The following OTOF variants were observed in gnomAD, a reference collection of about 807,000 sequenced individuals.
OTOF encodes the protein otoferlin.
A neutral mutation model predicts 236.8 loss-of-function variants in OTOF; 218 were observed. The ratio of observed to expected loss-of-function variants is 0.92; its 90% CI spans 0.82 to 1.03. The LOEUF (loss-of-function observed/expected upper bound fraction) is 1.03. OTOF is among the 50% of genes least tolerant of loss of function. The probability of loss-of-function intolerance (pLI) is 0.00; values close to 1 mark genes in which losing one functional copy is unlikely to be tolerated. For synonymous variants in OTOF, 1,041 were observed against 1,072.5 expected (o/e 0.97, Z 0.57); for missense variants, 2,590 against 2,694.4 (o/e 0.96, Z 0.86).
chr2:26,533,910 G>A (rs1667007317), intron 2 of OTOF, among the ~76,000 whole-genome samples: 1 of 152,016 alleles, frequency 6.6e-6, no homozygotes, highest in African/African-American at 2.4e-5. Context: ...GCAGAAAGGG[G>A]CAGATAAGGC....
rs1232283652 is a variant in OTOF, at chr2:26,461,371, T to C, written c.5533+325A>G. Among the ~76,000 whole-genome samples the C allele has an allele frequency of 6.6e-6, 1 of 152,222 alleles. No homozygotes were observed. Among genetic ancestry groups the C allele is most frequent in the Non-Finnish European group, 1.5e-5 (1 of 68,030 alleles). ...AGATTAGAGTTTTAGGGAGAATCCC[T>C]GCTTTACAGAGAAGCAACCTGAGGC... is the stretch of plus-strand genomic sequence containing the variant. On this transcript the variant is annotated intron_variant, in intron 43 of 46. Transcript: ENST00000272371. This position sits in a 1 kb window ranked among gnomAD's most constrained non-coding sequence, Gnocchi z 6.2.
At chr2:26,529,470 C>T (rs1666887887) in intron 2 of OTOF, among the ~76,000 whole-genome samples, 1 of 152,140 alleles carries the variant, frequency 6.6e-6, no homozygotes, top group African/African-American at 2.4e-5. Flanking sequence ...TGGGTAATGG[C>T]TTCTGTGCTC....
At chr2:26,546,048 C>A (rs1164174635) in intron 1 of OTOF, among the ~76,000 whole-genome samples, 1 of 152,112 alleles carries the variant, frequency 6.6e-6, no homozygotes, top group African/African-American at 2.4e-5. Context: ...TACTGTTAAC[C>A]AGAAGCCTTA....
At position 26,467,213 on chromosome 2, in the gene OTOF, C is replaced by A. The variant is rs1664774258; in HGVS notation, c.4248G>T (p.Glu1416Asp). 1 of 1,614,040 alleles carries A rather than the reference C, an allele frequency of 6.2e-7. No homozygotes were observed. Among genetic ancestry groups the A allele is most frequent in the Non-Finnish European group, 8.5e-7 (1 of 1,180,030 alleles). ...DELKVYPKEL[E>D]SEFDNFEDWL... ...AGTCCTCAAAGTTATCAAACTCGGA[C>A]TCCAGCTCTTTGGGGTATACCTGAG... Residue 1416 changes from glutamate to aspartate, a missense_variant, in exon 35 of 47, where the codon GAG becomes GAT. Glu to Asp is a conservative substitution (Grantham distance 45). Around this residue, in one of 2 missense-constraint regions of OTOF, gnomAD observed 1,211 missense variants for 1,352.8 expected, o/e 0.90. Coordinates refer to ENST00000272371, the MANE Select transcript of OTOF (RefSeq NM_194248.3).
chr2:26,529,025 T>A (rs1666877042), intron 2 of OTOF, among the ~76,000 whole-genome samples: 1 of 152,006 alleles, frequency 6.6e-6, no homozygotes, highest in African/African-American at 2.4e-5. Context: ...ATTGGCCAAG[T>A]GGGGTAGAGT....
intron 5 of OTOF, among the ~76,000 whole-genome samples, chr2:26,506,802 C>A (rs1666259887): frequency 6.6e-6 from 1 of 152,188 alleles, no homozygotes; most frequent in Non-Finnish European, 1.5e-5. Context: ...GAGTTCAAGA[C>A]CAGCCTGGTC....
chr2:26,488,484 G>A (rs1665753078), intron 11 of OTOF, among the ~76,000 whole-genome samples: 1 of 152,182 alleles, frequency 6.6e-6, no homozygotes, highest in South Asian at 2.1e-4. Context: ...CACCCCTTGG[G>A]GTTCCCTTGC....
rs529032575 is a variant in OTOF at position 26,476,221 on chromosome 2, A to G, written c.2773T>C (p.Phe925Leu). ...WLGLSKQRKE[F>L]LCGLPCGFQE... ...AAGCCACAGGGCAGGCCGCACAGGA[A>G]CTCCTTGCGCTGTTTGCTGAGGCCC... The change falls in exon 23 of 47, where the codon TTC becomes CTC. Residue 925 changes from phenylalanine (F) to leucine (L), a missense_variant. Phe to Leu is a conservative substitution (Grantham distance 22, BLOSUM62 0). This residue lies in a region of OTOF where 1,379 missense variants were observed against 1,341.6 expected (regional missense o/e 1.03). Transcript: ENST00000272371. 4.6e-5 allele frequency: 74 copies of G among 1,608,886 alleles called. 1 individual carries two copies. In the South Asian group the frequency reaches 7.9e-4, roughly 17 times the overall value.
chr2:26,480,541 G>A (rs1236337269), intron 15 of OTOF, among the ~76,000 whole-genome samples: 2 of 152,240 alleles, frequency 1.3e-5, no homozygotes, highest in Non-Finnish European at 2.9e-5. Context: ...GAGGGGCAGA[G>A]GGGAGGCACC....
chr2:26,459,950 GT>G, intron 46 of OTOF, 57 bp downstream of exon 46: 1 of 1,480,896 alleles, frequency 6.8e-7, no homozygotes, highest in Admixed American at 2.0e-5. Flanking sequence ...GTATATGTGT[GT>G]GTGTGCACGC....
chr2:26,462,273 T>C lies in OTOF; in HGVS notation c.5193-92A>G. On this transcript the variant is annotated intron_variant, in intron 41 of 46. Transcript: ENST00000272371. The surrounding 1 kb of genome is among the most constrained non-coding windows in gnomAD (Gnocchi z 4.7). Reference sequence around the variant, plus strand: ...GGATGGGGCAGGCGGAGAGAAGCCCTGGGGTCTTGGGGTCAGCACAGGGCC... The same window carrying C: ...GGATGGGGCAGGCGGAGAGAAGCCCCGGGGTCTTGGGGTCAGCACAGGGCC... The C allele has an allele frequency of 9.4e-7, 1 of 1,065,610 alleles. No homozygotes were observed. The highest frequency in any genetic ancestry group is 1.5e-6 in the Non-Finnish European group (1 of 686,668). 66.0% of individuals were successfully genotyped at this position (1,065,610 alleles called of 1,614,324 possible).
chr2:26,503,659 C>G, intron 6 of OTOF, 113 bp downstream of exon 6: 1 of 906,662 alleles, frequency 1.1e-6, no homozygotes, highest in Non-Finnish European at 1.8e-6. Context: ...TGGGGCCTGG[C>G]CCTGGGACGA....
At position 26,466,159 on chromosome 2, in the gene OTOF, T is replaced by C. The variant is rs115448938; in HGVS notation, c.4501-83A>G. On this transcript the variant is annotated intron_variant, in intron 36 of 46. Transcript: ENST00000272371. The stretch of plus-strand genomic sequence containing the variant: ...CCCCTGCCAGGCTGCCTGAGGGTCC[T>C]ATGACAGTGAAGGGCAGGGGCAGGA... 9.6e-4 allele frequency: 1,502 copies of C among 1,568,652 alleles called. 12 individuals carry two copies. Among genetic ancestry groups the C allele is most frequent in the African/African-American group, 9.2e-3 (679 of 74,192 alleles).
At chr2:26,533,134 C>A (rs1666989238) in intron 2 of OTOF, among the ~76,000 whole-genome samples, 1 of 152,158 alleles carries the variant, frequency 6.6e-6, no homozygotes, top group African/African-American at 2.4e-5. Flanking sequence ...GGAGTGTGAA[C>A]CCTACTGTGA....
At chr2:26,536,716 G>T (rs1174466679) in intron 2 of OTOF, among the ~76,000 whole-genome samples, 1 of 152,168 alleles carries the variant, frequency 6.6e-6, no homozygotes, top group Non-Finnish European at 1.5e-5. Flanking sequence ...CCAAGCGGGA[G>T]AGCCAACCCC....
At chr2:26,472,115 A>G (rs1451414542) in intron 30 of OTOF, among the ~76,000 whole-genome samples, 1 of 151,674 alleles carries the variant, frequency 6.6e-6, no homozygotes, top group Admixed American at 6.6e-5. Context: ...GCACATGTGC[A>G]CACCACACGC....
rs1299292950 is a variant in OTOF, at chr2:26,510,342, G to GC, written c.509+6075dup. 2.0e-5 allele frequency among the ~76,000 whole-genome samples: 3 copies of GC among 152,092 alleles called. No homozygotes were observed. In the East Asian group the frequency reaches 5.8e-4, roughly 29 times the overall value. On this transcript the variant is annotated intron_variant, in intron 5 of 46. Transcript: ENST00000272371. ...GGAGAGGGATCCCTGAGGTCCTCATGCCCCTCTCCCCTTAGCCTTTAGCTG... is the reference window on the plus strand; with the variant it reads ...GGAGAGGGATCCCTGAGGTCCTCATGCCCCCTCTCCCCTTAGCCTTTAGCTG...
At chr2:26,540,794 A>G (rs1667194560) in intron 1 of OTOF, among the ~76,000 whole-genome samples, 1 of 152,216 alleles carries the variant, frequency 6.6e-6, no homozygotes, top group African/African-American at 2.4e-5. Flanking sequence ...GGAAAAAACC[A>G]TAAAGCAGAA....
chr2:26,459,944 ATG>A (rs112695140), intron 46 of OTOF, 62 bp downstream of exon 46: 200 of 1,395,672 alleles, frequency 1.4e-4, no homozygotes, highest in Non-Finnish European at 1.8e-4. Context: ...GTGCGTGTAT[ATG>A]TGTGTGTGTG....
Sources: gnomAD v4.1 joint callset for allele counts (sites outside exome capture counted in the v4.1 genomes callset) on GRCh38, gnomAD v4.1.1 for gene constraint, gnomAD v4.1.1 regional missense constraint, Gnocchi (gnomAD v3.1) non-coding constraint, MANE v1.5 for transcripts, NCBI Gene and HGNC (gene_info 2026-07-23, HGNC 2026-07-21) for gene names.